The following LRP1B variants were observed in gnomAD, a reference collection of about 807,000 sequenced individuals.
LRP1B encodes the protein LDL receptor related protein 1B.
LRP1B carries 217 observed loss-of-function variants against 556.6 expected under a neutral mutation model. The observed-to-expected ratio is 0.39, with a 90% CI of 0.35 to 0.44. The LOEUF (loss-of-function observed/expected upper bound fraction) is 0.44. Among genes scored for constraint, LRP1B ranks in the 20% least tolerant of loss-of-function variants. The pLI is 1.00. For missense variants in LRP1B, 5,053 were observed against 5,620.8 expected (o/e 0.90, Z 3.23); for synonymous variants, 2,047 against 1,865.8 (o/e 1.10, Z -2.50).
At chr2:140,581,176 T>C (rs955468844) in intron 43 of LRP1B, among the ~76,000 whole-genome samples, 1 of 152,234 alleles carries the variant, frequency 6.6e-6, no homozygotes, top group African/African-American at 2.4e-5. Flanking sequence ...GAAGTCAGAA[T>C]TGAAAGGTTC....
At chr2:140,985,865 TTTTA>T (rs1255685995) in intron 17 of LRP1B, among the ~76,000 whole-genome samples, 8 of 151,964 alleles carry the variant, frequency 5.3e-5, no homozygotes, top group African/African-American at 1.7e-4. Context: ...TGTTACAGAT[TTTTA>T]TTTTTGTTTT....
chr2:141,549,960 G>A (rs527288884), intron 2 of LRP1B, among the ~76,000 whole-genome samples: 14 of 152,264 alleles, frequency 9.2e-5, no homozygotes, highest in African/African-American at 2.4e-4. Context: ...GCGCCACTGC[G>A]CTCCAGACTG....
At chr2:141,603,474 A>G (rs900877910) in intron 2 of LRP1B, among the ~76,000 whole-genome samples, 18 of 152,146 alleles carry the variant, frequency 1.2e-4, no homozygotes, top group Admixed American at 4.6e-4. Context: ...CAGCTTGCCC[A>G]TGTCTTGTAT....
rs565032455 is a variant in LRP1B, at chr2:141,028,355, T to C, written c.1790-8253A>G. On this transcript the variant is annotated intron_variant, in intron 11 of 90. Coordinates refer to ENST00000389484, the MANE Select transcript of LRP1B (RefSeq NM_018557.3). The stretch of plus-strand genomic sequence containing the variant: ...TAAAATTATTCAAGGTAGATATGTA[T>C]CTCTTAAAGAAAAAGAATCTAAAGC... 1.4e-4 allele frequency among the ~76,000 whole-genome samples: 22 copies of C among 151,796 alleles called. No individual in the cohort carries two copies. The South Asian group carries it at 3.9e-3, about 27-fold the overall frequency.
intron 7 of LRP1B, among the ~76,000 whole-genome samples, chr2:141,158,160 TA>T (rs933741515): frequency 5.3e-5 from 8 of 152,166 alleles, no homozygotes; most frequent in African/African-American, 2.4e-5. Flanking sequence ...CACATTAATA[TA>T]TTTTTTTCTC....
rs566082870 is a variant in LRP1B, at chr2:140,678,487, T to C, written c.6799+21763A>G. 6.6e-5 allele frequency among the ~76,000 whole-genome samples: 10 copies of C among 152,338 alleles called. No homozygotes were observed. The East Asian group carries it at 1.4e-3, about 21-fold the overall frequency. ...TTAATGCTTTTAAAACCTCAGAACA[T>C]ATTAGCATTAAAGACTGGACAAGGC... On this transcript the variant is annotated intron_variant, in intron 41 of 90. Transcript: ENST00000389484.
At chr2:141,251,049 T>C (rs1292348486) in intron 4 of LRP1B, among the ~76,000 whole-genome samples, 1 of 152,202 alleles carries the variant, frequency 6.6e-6, no homozygotes, top group Non-Finnish European at 1.5e-5. Flanking sequence ...ATGGATTTTA[T>C]AATTGTGGAA....
intron 2 of LRP1B, among the ~76,000 whole-genome samples, chr2:141,484,509 G>C (rs1683045999): frequency 6.6e-6 from 1 of 152,038 alleles, no homozygotes. Flanking sequence ...GAAAGTCATT[G>C]GTAACTTGAT....
intron 7 of LRP1B, 78 bp downstream of exon 7, chr2:141,188,340 CACA>C (rs1366640068): frequency 6.6e-6 from 9 of 1,371,378 alleles, no homozygotes; most frequent in African/African-American, 1.5e-5. Context: ...TCTTATTTTC[CACA>C]ACAACACTTG....
chr2:140,483,444 C>A (rs906714194), intron 59 of LRP1B, among the ~76,000 whole-genome samples: 6 of 151,270 alleles, frequency 4.0e-5, no homozygotes, highest in Admixed American at 1.3e-4. Flanking sequence ...CCACAGACTG[C>A]TATTAGCAAA....
At chr2:141,251,263 T>A (rs1053434675) in intron 4 of LRP1B, among the ~76,000 whole-genome samples, 1 of 152,128 alleles carries the variant, frequency 6.6e-6, no homozygotes, top group Admixed American at 6.6e-5. Flanking sequence ...TTTTAACCAG[T>A]CTTAACTAGA....
At chr2:141,605,044 G>T (rs572645704) in intron 2 of LRP1B, among the ~76,000 whole-genome samples, 1 of 152,100 alleles carries the variant, frequency 6.6e-6, no homozygotes, top group Admixed American at 6.5e-5. Context: ...AAGGTGGCCC[G>T]GGTGGGAACG....
Position 141,372,872 on chromosome 2 carries a change from C to T in LRP1B, c.343+107524G>A, listed in dbSNP as rs565469939. On this transcript the variant is annotated intron_variant, in intron 3 of 90. Coordinates refer to ENST00000389484, the MANE Select transcript of LRP1B (RefSeq NM_018557.3). ...TTGGGGGTGCCTCTCTTTAATTCTC[C>T]TCTGACGTTTGTCATTTATTTTCCT... 3.3e-5 allele frequency among the ~76,000 whole-genome samples: 5 copies of T among 152,022 alleles called. 1 individual carries two copies. The highest frequency in any genetic ancestry group is 1.2e-4 in the African/African-American group (5 of 41,510).
At chr2:140,644,355 T>G (rs1684403476) in intron 41 of LRP1B, among the ~76,000 whole-genome samples, 1 of 151,952 alleles carries the variant, frequency 6.6e-6, no homozygotes, top group Non-Finnish European at 1.5e-5. Flanking sequence ...TATTTGATTC[T>G]CAATAGGACA....
At chr2:140,493,891 A>T (rs141203637) in intron 56 of LRP1B, among the ~76,000 whole-genome samples, 1 of 152,042 alleles carries the variant, frequency 6.6e-6, no homozygotes, top group Non-Finnish European at 1.5e-5. Flanking sequence ...AGTCATTCTC[A>T]TCTTCTTTTT....
At chr2:141,686,303 T>A (rs1048602740) in intron 2 of LRP1B, among the ~76,000 whole-genome samples, 1 of 151,928 alleles carries the variant, frequency 6.6e-6, no homozygotes, top group African/African-American at 2.4e-5. Context: ...ATGGGCTTAT[T>A]ATATGAGATA....
intron 3 of LRP1B, among the ~76,000 whole-genome samples, chr2:141,274,221 A>G (rs1483871240): frequency 6.6e-6 from 1 of 152,196 alleles, no homozygotes; most frequent in Non-Finnish European, 1.5e-5. Flanking sequence ...TATATACTCA[A>G]AAGAAATTAG....
intron 2 of LRP1B, among the ~76,000 whole-genome samples, chr2:141,639,720 A>C (rs1336366926): frequency 6.6e-6 from 1 of 152,112 alleles, no homozygotes; most frequent in Non-Finnish European, 1.5e-5. Flanking sequence ...CCAATGAAAG[A>C]ATCCATCAGG....
chr2:140,954,147 T>C (rs979471266), intron 18 of LRP1B, among the ~76,000 whole-genome samples: 4 of 152,218 alleles, frequency 2.6e-5, no homozygotes, highest in Non-Finnish European at 5.9e-5. Context: ...GTTTCTTCTC[T>C]TTGTTGCCTA....
Sources: allele counts gnomAD v4.1 joint callset (sites outside exome capture counted in the v4.1 genomes callset), GRCh38; gene constraint gnomAD v4.1.1; transcripts MANE v1.5; gene names NCBI Gene and HGNC (gene_info 2026-07-23, HGNC 2026-07-21).